Variants in PTPN22 observed in about 807,000 individuals in gnomAD.
The protein encoded by PTPN22 is tyrosine-protein phosphatase non-receptor type 22.
In PTPN22, 85 loss-of-function variants were observed where a neutral mutation model predicts 103.3. That is an observed-to-expected ratio of 0.82 (90% CI 0.69 to 0.99). The LOEUF (loss-of-function observed/expected upper bound fraction) is 0.99, where lower values mean the gene tolerates loss of function less well. Among genes scored for constraint, PTPN22 ranks in the 50% least tolerant of loss-of-function variants. The probability of loss-of-function intolerance (pLI) is 0.00; values close to 1 mark genes in which losing one functional copy is unlikely to be tolerated. For missense variants in PTPN22, 865 were observed against 936.9 expected, an observed-to-expected ratio of 0.92 and a Z score of 1.00; for synonymous variants, 323 against 310.2, an observed-to-expected ratio of 1.04 and a Z score of -0.43.
chr1:113,832,914 G>A, intron 16 of PTPN22, 197 bp downstream of exon 16: 1 of 527,810 alleles, frequency 1.9e-6, no homozygotes, highest in Non-Finnish European at 3.4e-6. Flanking sequence ...TATATATTAA[G>A]GAGCAGAATT....
chr1:113,868,778 C>A (rs1046425408), intron 1 of PTPN22, among the ~76,000 whole-genome samples: 5 of 151,972 alleles, frequency 3.3e-5, no homozygotes, highest in Admixed American at 2.0e-4. Context: ...CTTCGGGGGT[C>A]TGACAGTTTC....
intron 1 of PTPN22, among the ~76,000 whole-genome samples, chr1:113,870,430 A>G (rs1666481908): frequency 6.6e-6 from 1 of 152,198 alleles, no homozygotes; most frequent in Non-Finnish European, 1.5e-5. Context: ...TCTAAAATAC[A>G]TGATAGGTAC....
At chr1:113,870,716 T>C (rs1407786992) in intron 1 of PTPN22, among the ~76,000 whole-genome samples, 2 of 152,106 alleles carry the variant, frequency 1.3e-5, no homozygotes, top group East Asian at 1.9e-4. Context: ...ATTTTTCATA[T>C]GAAAAAGAAA....
chr1:113,856,894 T>C (rs113732422), intron 5 of PTPN22: 4 of 391,010 alleles, frequency 1.0e-5, no homozygotes, highest in African/African-American at 6.1e-5. Context: ...AGAAATCATA[T>C]GTCTACTAAA....
At chr1:113,837,981 T>G in exon 13 of PTPN22, 3 of 1,614,114 alleles carry the variant, frequency 1.9e-6, no homozygotes, top group Non-Finnish European at 2.5e-6. Flanking sequence ...GTGGTTGAGA[T>G]TCCAAATAAG....
At chr1:113,854,436 A>C (rs1202436492) in intron 9 of PTPN22, 35 bp downstream of exon 9, 2 of 1,563,374 alleles carry the variant, frequency 1.3e-6, no homozygotes, top group Non-Finnish European at 8.8e-7. Context: ...GCAGTAGACT[A>C]AGCAAATGGG....
intron 11 of PTPN22, among the ~76,000 whole-genome samples, chr1:113,840,630 A>C (rs1286752447): frequency 6.6e-6 from 1 of 152,242 alleles, no homozygotes; most frequent in Non-Finnish European, 1.5e-5. Context: ...TGTTTAAAAA[A>C]CAGACTAAAA....
intron 9 of PTPN22, among the ~76,000 whole-genome samples, chr1:113,853,542 G>A (rs1357280378): frequency 2.7e-5 from 4 of 150,760 alleles, no homozygotes; most frequent in Non-Finnish European, 4.4e-5. Context: ...TAGAGACAGG[G>A]TTTCACCATG....
chr1:113,862,655 G>GCATTTTAGATA, intron 1 of PTPN22, among the ~76,000 whole-genome samples: 1 of 152,166 alleles, frequency 6.6e-6, no homozygotes, highest in Non-Finnish European at 1.5e-5. Context: ...AGAAGACGTA[G>GCATTTTAGATA]CATTTTAGAT....
chr1:113,845,310 C>T (rs1432268434), intron 11 of PTPN22, among the ~76,000 whole-genome samples: 2 of 150,758 alleles, frequency 1.3e-5, no homozygotes, highest in East Asian at 3.9e-4. Flanking sequence ...TCAAGTGATT[C>T]TCCTTCCTCA....
chr1:113,833,105 T>A lies in PTPN22; in HGVS notation c.2053+6A>T, dbSNP rs375342934. The A allele has an allele frequency of 1.3e-6, 2 of 1,565,898 alleles. No individual in the cohort carries two copies. Among genetic ancestry groups the A allele is most frequent in the African/African-American group, 1.4e-5 (1 of 73,518 alleles). ...AATGTCATCTAAAGCCAAGAGAAAT[T>A]TTTACCTGATTTAGGACTTCGGAGT... On this transcript the variant is annotated splice_donor_region_variant and intron_variant, in intron 16 of 20. Coordinates refer to ENST00000359785, the Ensembl canonical transcript of PTPN22.
At chr1:113,856,413 A>G (rs1665076267) in exon 7 of PTPN22, 1 of 1,587,812 alleles carries the variant, frequency 6.3e-7, no homozygotes, top group African/African-American at 1.3e-5. Flanking sequence ...AGTCCTGATT[A>G]TATAATCAGA....
At chr1:113,842,051 T>TA (rs1376200516) in intron 11 of PTPN22, among the ~76,000 whole-genome samples, 2 of 150,804 alleles carry the variant, frequency 1.3e-5, no homozygotes, top group Non-Finnish European at 3.0e-5. Context: ...AAAAAAAAAT[T>TA]AAAAAAAAAT....
chr1:113,817,261 G>C (rs1661238926), intron 20 of PTPN22, among the ~76,000 whole-genome samples: 1 of 152,130 alleles, frequency 6.6e-6, no homozygotes. Context: ...GCATATATTT[G>C]ATCTCTTTCA....
At chr1:113,846,981 C>T (rs1323609302) in intron 11 of PTPN22, among the ~76,000 whole-genome samples, 1 of 146,568 alleles carries the variant, frequency 6.8e-6, no homozygotes, top group Non-Finnish European at 1.5e-5. Context: ...ATTTTGATGA[C>T]CCAATGCTAG....
intron 1 of PTPN22, 90 bp downstream of exon 1, chr1:113,871,447 C>G (rs570898638): frequency 9.5e-7 from 1 of 1,055,516 alleles, no homozygotes; most frequent in African/African-American, 1.6e-5. Context: ...TACTTTATCC[C>G]AAGAGCAATT....
At chr1:113,845,260 T>C (rs1304854255) in intron 11 of PTPN22, among the ~76,000 whole-genome samples, 1 of 151,204 alleles carries the variant, frequency 6.6e-6, no homozygotes, top group Non-Finnish European at 1.5e-5. Context: ...GCAGTGATGC[T>C]ATCTCAGCTC....
chr1:113,856,203 A>G (rs1347249463), intron 7 of PTPN22, among the ~76,000 whole-genome samples, 179 bp downstream of exon 7: 2 of 152,120 alleles, frequency 1.3e-5, no homozygotes, highest in Non-Finnish European at 2.9e-5. Flanking sequence ...TTTTTAGTAG[A>G]GACAGGTTTT....
At chr1:113,825,145 T>C (rs1428341537) in exon 19 of PTPN22, 1 of 1,508,504 alleles carries the variant, frequency 6.6e-7, no homozygotes, top group Admixed American at 1.9e-5. Flanking sequence ...AACTTACTCT[T>C]TTTCATGTTT....
Sources: gnomAD v4.1 joint callset for allele counts (sites outside exome capture counted in the v4.1 genomes callset) on GRCh38, gnomAD v4.1.1 for gene constraint, MANE v1.5 for transcripts, NCBI Gene and HGNC (gene_info 2026-07-23, HGNC 2026-07-21) for gene names.